The following PCDH18 variants were observed in gnomAD, a reference collection of about 807,000 sequenced individuals.
PCDH18 encodes the protein protocadherin-18.
Under a neutral mutation model 71.5 loss-of-function variants are expected in PCDH18, and 38 were observed. The observed-to-expected ratio is 0.53, with a 90% CI of 0.41 to 0.70. The LOEUF is 0.70. Ranked by LOEUF, PCDH18 falls within the 30% of genes least tolerant of loss-of-function variation. PCDH18 has a pLI of 0.00. For synonymous variants in PCDH18, 565 were observed against 505.4 expected, an observed-to-expected ratio of 1.12 and a Z score of -1.58; for missense variants, 1,334 against 1,384.6, an observed-to-expected ratio of 0.96 and a Z score of 0.58.
At chr4:137,527,808 G>A (rs1251226808) in intron 3 of PCDH18, among the ~76,000 whole-genome samples, 1 of 152,122 alleles carries the variant, frequency 6.6e-6, no homozygotes, top group Non-Finnish European at 1.5e-5. Context: ...GAATTAGAGG[G>A]AAGGAACTCC....
chr4:137,531,191 C>G lies in PCDH18; in HGVS notation c.898G>C (p.Asp300His), dbSNP rs1231305562. The change falls in exon 1 of 4, where the codon GAT (aspartate) becomes CAT (histidine). Residue 300 changes from aspartate to histidine, a missense_variant. Asp to His is a moderately conservative substitution (Grantham distance 81). Coordinates refer to ENST00000344876, the MANE Select transcript of PCDH18 (RefSeq NM_019035.5). The part of the protein sequence containing the change: ...SPKIMETFKI[D>H]SERGHLTLFK... ...AGAGTCAAATGTCCTCTTTCAGAAT[C>G]AATTTTAAAAGTCTCCATAATTTTG... The G allele has an allele frequency of 6.2e-7, 1 of 1,612,170 alleles. No individual in the cohort carries two copies. Among genetic ancestry groups the G allele is most frequent in the Non-Finnish European group, 8.5e-7 (1 of 1,178,966 alleles).
Position 137,531,417 on chromosome 4 carries a change from A to G in PCDH18, c.672T>C (p.Pro224=), listed in dbSNP as rs775464025. The G allele has an allele frequency of 1.9e-6, 3 of 1,612,888 alleles. No individual in the cohort carries two copies. In the African/African-American group the frequency reaches 4.0e-5, roughly 22 times the overall value. ...LQLTASDMGV[P]QRSGSSILKI... is the part of the protein sequence containing the mutation. ...TTAGTATGGATGAGCCAGACCTCTG[A>G]GGTACTCCCATGTCTGAGGCAGTGA... Residue 224 remains proline (P), a synonymous_variant, in exon 1 of 4, where the codon CCT becomes CCC. Coordinates refer to ENST00000344876, the MANE Select transcript of PCDH18 (RefSeq NM_019035.5).
In PCDH18 at chr4:137,521,407, A is replaced by G; in HGVS notation, c.3030T>C (p.Ser1010=). The change falls in exon 4 of 4, where the codon AGT becomes AGC. Residue 1010 remains serine, a synonymous_variant. Coordinates refer to ENST00000344876, the MANE Select transcript of PCDH18 (RefSeq NM_019035.5). ...STSSLLSEMS[S]VFQRLLPPSL... ...AAGGCGGTAAGAGACGCTGGAACACACTGCTCATTTCCGAGAGCAGAGATG... is the reference window on the plus strand; with the variant it reads ...AAGGCGGTAAGAGACGCTGGAACACGCTGCTCATTTCCGAGAGCAGAGATG... 10 of 1,614,198 alleles carry G rather than the reference A, an allele frequency of 6.2e-6. No homozygotes were observed. Among genetic ancestry groups the G allele is most frequent in the East Asian group, 2.2e-5 (1 of 44,860 alleles).
chr4:137,526,967 A>G (rs1346226386), intron 3 of PCDH18, among the ~76,000 whole-genome samples: 2 of 151,688 alleles, frequency 1.3e-5, no homozygotes, highest in Non-Finnish European at 2.9e-5. Flanking sequence ...TTAAAAAAAA[A>G]AAAAAAAAAA....
rs1731743984 is a variant in PCDH18 at position 137,532,360 on chromosome 4, C to G, written c.-272G>C. 2.8e-6 allele frequency: 2 copies of G among 702,172 alleles called. No individual in the cohort carries two copies. The highest frequency in any genetic ancestry group is 1.7e-5 in the African/African-American group (1 of 57,180). 43.5% of individuals were successfully genotyped at this position (702,172 alleles called of 1,614,324 possible). A position where few individuals can be genotyped will look rare whatever the true frequency, so the allele number is the denominator to read the frequency against. On this transcript the variant is annotated 5_prime_UTR_variant, in exon 1 of 4. Coordinates refer to ENST00000344876, the MANE Select transcript of PCDH18 (RefSeq NM_019035.5). Reference sequence around the variant, plus strand: ...AGAGTGTCACCTCCGCGTTTTCTCCCTTGTGTAGTCGGAATCCATCTATTG... The same window carrying G: ...AGAGTGTCACCTCCGCGTTTTCTCCGTTGTGTAGTCGGAATCCATCTATTG...
rs754884852 is a variant in PCDH18 at position 137,521,460 on chromosome 4, C to G, written c.2977G>C (p.Asp993His). Residue 993 changes from aspartate (D) to histidine (H), a missense_variant, in exon 4 of 4, where the codon GAT becomes CAT. Coordinates refer to ENST00000344876, the MANE Select transcript of PCDH18 (RefSeq NM_019035.5). Reference protein sequence around the residue: ...FSTFGKDSPNDEDTGDTSTSS... With the variant: ...FSTFGKDSPNHEDTGDTSTSS... ...GTGCTGGTATCCCCAGTGTCCTCAT[C>G]GTTTGGGGAGTCCTTTCCAAAGGTG... 1 of 1,614,142 alleles carries G rather than the reference C, an allele frequency of 6.2e-7. No homozygotes were observed. The highest frequency in any genetic ancestry group is 1.1e-5 in the South Asian group (1 of 91,082).
intron 3 of PCDH18, among the ~76,000 whole-genome samples, chr4:137,527,839 CTT>C (rs1434572972): frequency 6.6e-6 from 1 of 152,148 alleles, no homozygotes; most frequent in East Asian, 1.9e-4. Flanking sequence ...TGGTTCGAAA[CTT>C]AATAGCATCT....
chr4:137,529,207 A>C, intron 1 of PCDH18: 1 of 257,150 alleles, frequency 3.9e-6, no homozygotes, highest in East Asian at 8.2e-5. Flanking sequence ...TTGGACAAAC[A>C]TAGCATGCAT....
rs1560721015 is a variant in PCDH18 at position 137,521,204 on chromosome 4, CTG to C, written c.3231_3232del (p.Ser1078CysfsTer16). On this transcript the variant is annotated frameshift_variant, in exon 4 of 4. Coordinates refer to ENST00000344876, the MANE Select transcript of PCDH18 (RefSeq NM_019035.5). LOFTEE classifies it high-confidence loss of function. Reference sequence around the variant, plus strand: ...CAGCCATTTTGAAGAAGGCTGCACACTGGAGTGAGTTCCAAGTGGCGGCCCAC... The same window carrying C: ...CAGCCATTTTGAAGAAGGCTGCACACGAGTGAGTTCCAAGTGGCGGCCCAC... 1.9e-6 allele frequency: 3 copies of C among 1,614,138 alleles called. No individual in the cohort carries two copies. The highest frequency in any genetic ancestry group is 1.3e-5 in the African/African-American group (1 of 75,076).
In PCDH18 at chr4:137,530,493, G is replaced by C; in HGVS notation, c.1596C>G (p.Ile532Met). Residue 532 changes from isoleucine to methionine, a missense_variant, in exon 1 of 4, where the codon ATC becomes ATG. By Grantham distance (10) the Ile-to-Met change is conservative (BLOSUM62 1). Around this residue, in one of 3 missense-constraint regions of PCDH18, gnomAD observed 1,011 missense variants for 1,048.0 expected, o/e 0.96. Coordinates refer to ENST00000344876, the MANE Select transcript of PCDH18 (RefSeq NM_019035.5). ...TCTGACTCACTTCTTCATGATCAAA[G>C]ATTCTGAGGGCATAGATGGCTCCAT... ...PSNGAIYALR[I>M]FDHEEVSQIT... is the part of the protein sequence containing the mutation. 5 of 1,613,994 alleles carry C rather than the reference G, an allele frequency of 3.1e-6. No homozygotes were observed. The highest frequency in any genetic ancestry group is 4.2e-6 in the Non-Finnish European group (5 of 1,179,940).
At position 137,530,985 on chromosome 4, in the gene PCDH18, A is replaced by G. The variant is rs749565492; in HGVS notation, c.1104T>C (p.Tyr368=). ...TATCAATAGGATCCCCTTCAAAAAT[A>G]TAAGATATTTCTTCTTTTCCAGGGG... ...LMSPGKEEIS[Y]IFEGDPIDTF... is the part of the protein sequence containing the mutation. The change falls in exon 1 of 4, where the codon TAT becomes TAC. Residue 368 remains tyrosine, a synonymous_variant. Coordinates refer to ENST00000344876, the MANE Select transcript of PCDH18 (RefSeq NM_019035.5). 18 of 1,613,112 alleles carry G rather than the reference A, an allele frequency of 1.1e-5. No homozygotes were observed. Among genetic ancestry groups the G allele is most frequent in the East Asian group, 2.2e-5 (1 of 44,832 alleles).
In PCDH18 at chr4:137,521,120, T is replaced by A. The variant is rs1731277626; in HGVS notation, c.3317A>T (p.Asn1106Ile). 6.2e-7 allele frequency: 1 copy of A among 1,614,084 alleles called. No individual in the cohort carries two copies. The highest frequency in any genetic ancestry group is 2.2e-5 in the East Asian group (1 of 44,876). ...YEEDDFDNVL[N>I]HLNDGKHELM... ...TTCGTGTTTCCCATCATTGAGGTGGTTGAGCACATTGTCAAAATCATCTTC... is the reference window on the plus strand; with the variant it reads ...TTCGTGTTTCCCATCATTGAGGTGGATGAGCACATTGTCAAAATCATCTTC... The change falls in exon 4 of 4, where the codon AAC becomes ATC. Residue 1106 changes from asparagine to isoleucine, a missense_variant. Asn to Ile is a moderately radical substitution (Grantham distance 149). This residue lies in a region of PCDH18 where 319 missense variants were observed against 316.3 expected (regional missense o/e 1.01). Coordinates refer to ENST00000344876, the MANE Select transcript of PCDH18 (RefSeq NM_019035.5).
At chr4:137,529,436 A>G in intron 1 of PCDH18, 166 bp downstream of exon 1, 1 of 526,046 alleles carries the variant, frequency 1.9e-6, no homozygotes, top group Non-Finnish European at 3.4e-6. Flanking sequence ...ACAGTATGCT[A>G]AAGTGTGCAT....
At chr4:137,521,991 G>A (rs1036969586) in intron 3 of PCDH18, among the ~76,000 whole-genome samples, 1 of 152,134 alleles carries the variant, frequency 6.6e-6, no homozygotes, top group Admixed American at 6.5e-5. Context: ...TACGTGGGAA[G>A]AACTAGGTGT....
Position 137,530,520 on chromosome 4 carries a change from A to C in PCDH18, c.1569T>G (p.Ser523=). ...TTCTGAGGGCATAGATGGCTCCATT[A>C]GATGGGTCAATGGTTACATATGTAG... ...SITTYVTIDP[S]NGAIYALRIF... The change falls in exon 1 of 4, where the codon TCT becomes TCG. Residue 523 remains serine, a synonymous_variant. Transcript: ENST00000344876. 6.2e-7 allele frequency: 1 copy of C among 1,613,922 alleles called. No individual in the cohort carries two copies. Among genetic ancestry groups the C allele is most frequent in the Non-Finnish European group, 8.5e-7 (1 of 1,179,838 alleles).
rs758736625 is a variant in PCDH18, at chr4:137,530,231, T to C, written c.1858A>G (p.Ile620Val). 4 of 1,614,142 alleles carry C rather than the reference T, an allele frequency of 2.5e-6. No homozygotes were observed. Among genetic ancestry groups the C allele is most frequent in the Non-Finnish European group, 3.4e-6 (4 of 1,180,018 alleles). The change falls in exon 1 of 4, where the codon ATA (isoleucine) becomes GTA (valine). Residue 620 changes from isoleucine to valine, a missense_variant. This residue lies in a region of PCDH18 where 1,011 missense variants were observed against 1,048.0 expected (regional missense o/e 0.96). Transcript: ENST00000344876. ...SGVNAELSCA[I>V]VAGNEENIFI... The stretch of plus-strand genomic sequence containing the variant: ...ATATTCTCCTCATTACCTGCTACTA[T>C]GGCGCAGCTGAGTTCAGCATTCACA...
rs1193272712 is a variant in PCDH18 at position 137,530,636 on chromosome 4, T to C, written c.1453A>G (p.Thr485Ala). 1 of 1,614,068 alleles carries C rather than the reference T, an allele frequency of 6.2e-7. No homozygotes were observed. The highest frequency in any genetic ancestry group is 8.5e-7 in the Non-Finnish European group (1 of 1,179,970). Residue 485 changes from threonine (T) to alanine (A), a missense_variant, in exon 1 of 4, where the codon ACC becomes GCC. Transcript: ENST00000344876. ...TCAGGATCTGTGGCTGTAACAGTGG[T>C]GATATATGCCCCTGGTGAGTTATTT... The part of the protein sequence containing the change: ...SENNSPGAYI[T>A]TVTATDPDLG...
chr4:137,529,719 C>T lies in PCDH18; in HGVS notation c.2370G>A (p.Met790Ile). The T allele has an allele frequency of 1.9e-6, 3 of 1,613,936 alleles. No homozygotes were observed. The South Asian group carries it at 3.3e-5, about 18-fold the overall frequency. The change falls in exon 1 of 4, where the codon ATG becomes ATA. Residue 790 changes from methionine (M) to isoleucine (I), a missense_variant. This residue lies in a region of PCDH18 where 1,011 missense variants were observed against 1,048.0 expected (regional missense o/e 0.96). Coordinates refer to ENST00000344876, the MANE Select transcript of PCDH18 (RefSeq NM_019035.5). ...GACTGTTGTGACTCTGCCGGCTGCCCATCTGCCCTCTTTCTAAGGTAGGAG... is the reference window on the plus strand; with the variant it reads ...GACTGTTGTGACTCTGCCGGCTGCCTATCTGCCCTCTTTCTAAGGTAGGAG... The part of the protein sequence containing the change: ...SSSPTLERGQ[M>I]GSRQSHNSHQ...
chr4:137,529,975 G>A lies in PCDH18; in HGVS notation c.2114C>T (p.Ser705Phe). ...CAACACTGCACAAATTGCTCCTAAG[G>A]AAATAATTATTATCATGGAGACATC... Reference protein sequence around the residue: ...SLDVSMIIIISLGAICAVLLV... With the variant: ...SLDVSMIIIIFLGAICAVLLV... The change falls in exon 1 of 4, where the codon TCC (serine) becomes TTC (phenylalanine). Residue 705 changes from serine (S) to phenylalanine (F), a missense_variant. Physicochemically the swap from Ser to Phe is radical, Grantham distance 155. Transcript: ENST00000344876. The A allele has an allele frequency of 6.2e-7, 1 of 1,613,750 alleles. No individual in the cohort carries two copies.
Sources: allele counts gnomAD v4.1 joint callset (sites outside exome capture counted in the v4.1 genomes callset), GRCh38; gene constraint gnomAD v4.1.1; regional missense constraint gnomAD v4.1.1; transcripts MANE v1.5; gene names NCBI Gene and HGNC (gene_info 2026-07-23, HGNC 2026-07-21).